ZW10: variants seen among roughly 807,000 people sequenced by gnomAD.
ZW10 encodes zw10 kinetochore protein.
In ZW10, 53 loss-of-function variants were observed where a neutral mutation model predicts 87.8. That is an observed-to-expected ratio of 0.60 (90% CI 0.48 to 0.76). The LOEUF is 0.76. Among genes scored for constraint, ZW10 ranks in the 30% least tolerant of loss-of-function variants. The probability of loss-of-function intolerance (pLI) is 0.00; values close to 1 mark genes in which losing one functional copy is unlikely to be tolerated. For synonymous variants in ZW10, 312 were observed against 329.2 expected (o/e 0.95, Z 0.57); for missense variants, 837 against 923.0 (o/e 0.91, Z 1.21).
rs1262104692 is a variant in ZW10, at chr11:113,737,703, C to T, written c.1885G>A (p.Val629Ile). Reference protein sequence around the residue: ...YSAASKAVRQVLHQLKRLGIV... With the variant: ...YSAASKAVRQILHQLKRLGIV... ...CCAAGTCTCTTTAGTTGGTGCAGTA[C>T]CTGTAGAAGAATACAGCTATTTACG... is the stretch of plus-strand genomic sequence containing the variant. Residue 629 changes from valine (V) to isoleucine (I), a missense_variant and splice_region_variant, in exon 14 of 16, where the codon GTA becomes ATA. Val to Ile is a conservative substitution (Grantham distance 29, BLOSUM62 3). Transcript: ENST00000200135. 1.2e-6 allele frequency: 2 copies of T among 1,604,120 alleles called. No individual in the cohort carries two copies. Among genetic ancestry groups the T allele is most frequent in the African/African-American group, 2.7e-5 (2 of 74,648 alleles).
Position 113,749,423 on chromosome 11 carries a change from C to A in ZW10, c.926-1003G>T, listed in dbSNP as rs1368508912. On this transcript the variant is annotated intron_variant, in intron 7 of 15. Coordinates refer to ENST00000200135, the MANE Select transcript of ZW10 (RefSeq NM_004724.4). ...GCAGGGGTGTGTGCTTATAAAGGGA[C>A]AGCACAAAGGAGCTTTGTGGTTTTG... Among the ~76,000 whole-genome samples, 3 of 152,068 alleles carry A rather than the reference C, an allele frequency of 2.0e-5. No individual in the cohort carries two copies. In the East Asian group the frequency reaches 5.8e-4, roughly 29 times the overall value.
chr11:113,741,653 C>A, intron 11 of ZW10, 41 bp downstream of exon 11: 2 of 1,322,718 alleles, frequency 1.5e-6, no homozygotes, highest in Admixed American at 2.4e-5. Context: ...ACATCTTAGA[C>A]ATACAATTAT....
At chr11:113,761,929 C>G (rs760743563) in intron 2 of ZW10, among the ~76,000 whole-genome samples, 1 of 152,186 alleles carries the variant, frequency 6.6e-6, no homozygotes, top group Admixed American at 6.5e-5. Context: ...CTCATTCACT[C>G]TATACCTCAC....
rs1244697124 is a variant in ZW10, at chr11:113,757,720, T to C, written c.867A>G (p.Pro289=). ...SIMTNLEYPS[P]SEVFTKIRLV... ...GTCTGATCTTTGTAAAAACTTCAGATGGTGATGGATATTCCAAGTTAGTCA... is the reference window on the plus strand; with the variant it reads ...GTCTGATCTTTGTAAAAACTTCAGACGGTGATGGATATTCCAAGTTAGTCA... The change falls in exon 7 of 16, where the codon CCA becomes CCG. Residue 289 remains proline (P), a synonymous_variant. Transcript: ENST00000200135. 4.3e-6 allele frequency: 7 copies of C among 1,612,972 alleles called. No homozygotes were observed. Among genetic ancestry groups the C allele is most frequent in the Non-Finnish European group, 5.9e-6 (7 of 1,179,240 alleles).
chr11:113,739,986 C>G (rs1321533743), intron 11 of ZW10, among the ~76,000 whole-genome samples: 1 of 152,150 alleles, frequency 6.6e-6, no homozygotes. Flanking sequence ...TTCTTCTACA[C>G]GTATTAGTCT....
intron 5 of ZW10, among the ~76,000 whole-genome samples, chr11:113,759,250 T>A: frequency 6.6e-6 from 1 of 152,192 alleles, no homozygotes; most frequent in East Asian, 1.9e-4. Flanking sequence ...CTATGTTCTT[T>A]CTGCCAAACA....
intron 2 of ZW10, among the ~76,000 whole-genome samples, chr11:113,768,567 T>C (rs987727642): frequency 6.6e-6 from 1 of 152,166 alleles, no homozygotes; most frequent in Non-Finnish European, 1.5e-5. Flanking sequence ...TCCACTCACT[T>C]TGGCCACCAC....
At position 113,758,593 on chromosome 11, in the gene ZW10, A is replaced by G. The variant is rs753030578; in HGVS notation, c.694T>C (p.Ser232Pro). Residue 232 changes from serine (S) to proline (P), a missense_variant, in exon 6 of 16, where the codon TCT (serine) becomes CCT (proline). By Grantham distance (74) the Ser-to-Pro change is moderately conservative. Coordinates refer to ENST00000200135, the MANE Select transcript of ZW10 (RefSeq NM_004724.4). ...PPISSVLLAFSVLGELHSKLK... is the reference protein window; with the variant it reads ...PPISSVLLAFPVLGELHSKLK... Reference sequence around the variant, plus strand: ...TTGCTGTGTAGTTCTCCAAGAACAGAAAATGCCAAGAGGACAGAACTGATG... The same window carrying G: ...TTGCTGTGTAGTTCTCCAAGAACAGGAAATGCCAAGAGGACAGAACTGATG... The G allele has an allele frequency of 6.2e-7, 1 of 1,613,984 alleles. No individual in the cohort carries two copies. The highest frequency in any genetic ancestry group is 8.5e-7 in the Non-Finnish European group (1 of 1,179,968).
In ZW10 at chr11:113,768,887, C is replaced by G; in HGVS notation, c.186G>C (p.Gln62His). The G allele has an allele frequency of 1.9e-6, 3 of 1,614,194 alleles. No individual in the cohort carries two copies. Among genetic ancestry groups the G allele is most frequent in the Non-Finnish European group, 2.5e-6 (3 of 1,180,034 alleles). Reference protein sequence around the residue: ...SMQSAQGLITQVDKLSEDIDL... With the variant: ...SMQSAQGLITHVDKLSEDIDL... ...CAATGTCTTCAGATAGCTTATCCAC[C>G]TGGGTAATCAGGCCCTGCGCGCTCT... The change falls in exon 2 of 16, where the codon CAG becomes CAC. Residue 62 changes from glutamine (Q) to histidine (H), a missense_variant. By Grantham distance (24) the Gln-to-His change is conservative (BLOSUM62 0). Transcript: ENST00000200135.
chr11:113,759,121 G>T (rs1346708462), intron 5 of ZW10, among the ~76,000 whole-genome samples: 1 of 152,178 alleles, frequency 6.6e-6, no homozygotes, highest in Non-Finnish European at 1.5e-5. Context: ...GCTTCAGCCT[G>T]GGAGTTTGAG....
intron 11 of ZW10, among the ~76,000 whole-genome samples, chr11:113,739,896 T>C (rs947455909): frequency 6.6e-6 from 1 of 152,142 alleles, no homozygotes; most frequent in African/African-American, 2.4e-5. Flanking sequence ...GCTCTAAGAG[T>C]GAAATCACAG....
At chr11:113,751,835 A>G (rs1035777308) in intron 7 of ZW10, among the ~76,000 whole-genome samples, 2 of 151,460 alleles carry the variant, frequency 1.3e-5, no homozygotes, top group African/African-American at 4.9e-5. Flanking sequence ...GTGCCACTGC[A>G]CTCCAGCCTG....
chr11:113,750,534 C>T (rs532761570), intron 7 of ZW10, among the ~76,000 whole-genome samples: 8 of 152,196 alleles, frequency 5.3e-5, no homozygotes, highest in African/African-American at 1.9e-4. Context: ...GAACTTCTGA[C>T]CTCAGGTGAT....
At chr11:113,748,543 C>T in intron 7 of ZW10, 123 bp from the exon 8 acceptor site, 1 of 742,338 alleles carries the variant, frequency 1.3e-6, no homozygotes, top group East Asian at 2.7e-5. Flanking sequence ...GATAATTCCA[C>T]AGCCTTCTCA....
intron 7 of ZW10, among the ~76,000 whole-genome samples, chr11:113,755,204 G>C (rs923717107): frequency 3.3e-5 from 5 of 152,158 alleles, no homozygotes; most frequent in Non-Finnish European, 7.3e-5. Flanking sequence ...TGATGGATCT[G>C]AGCAAAATAA....
intron 2 of ZW10, among the ~76,000 whole-genome samples, chr11:113,766,331 C>T (rs537501368): frequency 1.3e-5 from 2 of 151,832 alleles, no homozygotes; most frequent in African/African-American, 2.4e-5. Context: ...TGCCACCCCA[C>T]TCCAGCCTAG....
chr11:113,757,659 T>A lies in ZW10; in HGVS notation c.925+3A>T, dbSNP rs776831498. On this transcript the variant is annotated splice_donor_region_variant and intron_variant, in intron 7 of 15. Transcript: ENST00000200135. ...ATAAAAGCACTGCCTTGGAGACACATACCTAGAAGCTGTTTCTGGAGCACT... is the reference window on the plus strand; with the variant it reads ...ATAAAAGCACTGCCTTGGAGACACAAACCTAGAAGCTGTTTCTGGAGCACT... The A allele has an allele frequency of 2.4e-5, 37 of 1,521,448 alleles. No individual in the cohort carries two copies. Among genetic ancestry groups the A allele is most frequent in the Non-Finnish European group, 3.1e-5 (35 of 1,127,610 alleles). 94.2% of individuals were successfully genotyped at this position (1,521,448 alleles called of 1,614,324 possible).
intron 1 of ZW10, among the ~76,000 whole-genome samples, chr11:113,772,796 A>C (rs1416350166): frequency 6.8e-6 from 1 of 148,008 alleles, no homozygotes; most frequent in Non-Finnish European, 1.5e-5. Context: ...AACATGGTGA[A>C]ACTCCGTCTG....
At chr11:113,736,020 T>C (rs533658601) in intron 15 of ZW10, among the ~76,000 whole-genome samples, 3 of 152,162 alleles carry the variant, frequency 2.0e-5, no homozygotes, top group Non-Finnish European at 4.4e-5. Flanking sequence ...TCCTAGCACT[T>C]TGGGAGGCCA....
Sources: allele counts gnomAD v4.1 joint callset (sites outside exome capture counted in the v4.1 genomes callset), GRCh38; gene constraint gnomAD v4.1.1; transcripts MANE v1.5; gene names NCBI Gene and HGNC (gene_info 2026-07-23, HGNC 2026-07-21).